COPG2: variants seen among roughly 807,000 people sequenced by gnomAD.
The protein encoded by COPG2 is coatomer subunit gamma-2.
COPG2 carries 37 observed loss-of-function variants against 46.3 expected under a neutral mutation model. That is an observed-to-expected ratio of 0.80 (90% CI 0.61 to 1.05). The LOEUF (loss-of-function observed/expected upper bound fraction) is 1.05, where lower values mean the gene tolerates loss of function less well. Ranked by LOEUF, COPG2 falls within the 50% of genes least tolerant of loss-of-function variation. The pLI is 0.00. For synonymous variants in COPG2, 159 were observed against 129.7 expected (o/e 1.23, Z -1.53); for missense variants, 427 against 387.8 (o/e 1.10, Z -0.85).
chr7:130,604,596 T>C, intron 9 of COPG2: 1 of 309,660 alleles, frequency 3.2e-6, no homozygotes, highest in East Asian at 8.5e-5. Context: ...GCATTTCCTA[T>C]ATATATAGCC....
chr7:130,643,425 T>C (rs551825215), intron 5 of COPG2, among the ~76,000 whole-genome samples: 3 of 152,362 alleles, frequency 2.0e-5, no homozygotes, highest in African/African-American at 7.2e-5. Context: ...GCTGGGAATG[T>C]AAGCATGTCA....
intron 20 of COPG2, among the ~76,000 whole-genome samples, chr7:130,525,438 A>G (rs1301515648): frequency 2.6e-5 from 4 of 152,196 alleles, no homozygotes; most frequent in Admixed American, 6.5e-5. Context: ...TGAAGGAAAT[A>G]GCATCACTGC....
At chr7:130,596,105 T>C (rs138944595) in intron 9 of COPG2, among the ~76,000 whole-genome samples, 21,942 of 152,154 alleles carry the variant, frequency 0.14, 2,874 homozygotes, top group African/African-American at 0.35. Flanking sequence ...AAGAGGCTAA[T>C]GAGGGTGAGT....
intron 20 of COPG2, among the ~76,000 whole-genome samples, chr7:130,544,264 T>C (rs1233606053): frequency 2.0e-5 from 3 of 152,144 alleles, no homozygotes; most frequent in Non-Finnish European, 4.4e-5. Flanking sequence ...TAGTACAGAA[T>C]GCCAAGTTAA....
At chr7:130,603,541 CA>C (rs1273540303) in intron 9 of COPG2, among the ~76,000 whole-genome samples, 1 of 151,644 alleles carries the variant, frequency 6.6e-6, no homozygotes, top group Admixed American at 6.6e-5. Context: ...CGAACATGGT[CA>C]CACTCCGTCT....
At chr7:130,627,717 T>G (rs1795142746) in intron 5 of COPG2, among the ~76,000 whole-genome samples, 1 of 136,634 alleles carries the variant, frequency 7.3e-6, no homozygotes, top group Admixed American at 7.9e-5. Flanking sequence ...CTTCTATCTA[T>G]CTACAACCTT....
At chr7:130,576,642 C>T (rs1794003655) in intron 9 of COPG2, among the ~76,000 whole-genome samples, 1 of 152,162 alleles carries the variant, frequency 6.6e-6, no homozygotes, top group Non-Finnish European at 1.5e-5. Flanking sequence ...GTGCCTACAT[C>T]AAAAAGACTG....
intron 4 of COPG2, among the ~76,000 whole-genome samples, chr7:130,656,261 A>T (rs182203571): frequency 7.7e-4 from 116 of 150,946 alleles, no homozygotes; most frequent in African/African-American, 1.5e-3. Flanking sequence ...ATTAATTTTT[A>T]AAAAAATCAA....
At chr7:130,631,454 G>A (rs1483326371) in intron 5 of COPG2, among the ~76,000 whole-genome samples, 1 of 151,930 alleles carries the variant, frequency 6.6e-6, no homozygotes, top group African/African-American at 2.4e-5. Context: ...CACTGCACCT[G>A]GCCTGAATTT....
chr7:130,635,790 G>A (rs535328114), intron 5 of COPG2, among the ~76,000 whole-genome samples: 17 of 152,216 alleles, frequency 1.1e-4, no homozygotes, highest in African/African-American at 3.9e-4. Flanking sequence ...TTTTAATTGT[G>A]ATATTGGGGT....
intron 23 of COPG2, among the ~76,000 whole-genome samples, chr7:130,507,024 T>C (rs1799506012): frequency 1.3e-5 from 2 of 152,192 alleles, no homozygotes; most frequent in African/African-American, 2.4e-5. Flanking sequence ...AAATACCAAT[T>C]TGGAGTACTC....
intron 5 of COPG2, among the ~76,000 whole-genome samples, chr7:130,647,080 A>G (rs938596049): frequency 1.3e-5 from 2 of 150,868 alleles, no homozygotes; most frequent in African/African-American, 4.9e-5. Flanking sequence ...TCGCTCTGTC[A>G]CCCAGGCTGG....
At chr7:130,534,031 G>A (rs1253305609) in intron 20 of COPG2, among the ~76,000 whole-genome samples, 4 of 151,928 alleles carry the variant, frequency 2.6e-5, no homozygotes, top group African/African-American at 7.3e-5. Context: ...GAACCAACAT[G>A]GAAAACAGGA....
At chr7:130,509,616 T>C (rs972086715) in intron 20 of COPG2, 6 of 488,184 alleles carry the variant, frequency 1.2e-5, no homozygotes, top group African/African-American at 7.8e-5. Context: ...CATCCACACA[T>C]GTAGTGACTG....
At chr7:130,600,553 A>G (rs1457082525) in intron 9 of COPG2, among the ~76,000 whole-genome samples, 1 of 152,118 alleles carries the variant, frequency 6.6e-6, no homozygotes, top group African/African-American at 2.4e-5. Flanking sequence ...GTGAGCCACT[A>G]TGCCTGGCCC....
At chr7:130,643,067 C>T (rs143513550) in intron 5 of COPG2, among the ~76,000 whole-genome samples, 1,933 of 151,900 alleles carry the variant, frequency 0.013, 26 homozygotes, top group Middle Eastern at 0.078. Flanking sequence ...GAGGCCGAGG[C>T]GGGCGGATCA....
At chr7:130,579,601 C>T (rs1270971762) in intron 9 of COPG2, among the ~76,000 whole-genome samples, 2 of 152,074 alleles carry the variant, frequency 1.3e-5, no homozygotes, top group African/African-American at 2.4e-5. Flanking sequence ...ATTCAGGAAA[C>T]CCATCTCATG....
intron 4 of COPG2, among the ~76,000 whole-genome samples, chr7:130,657,894 C>T (rs1170014878): frequency 6.6e-6 from 1 of 152,246 alleles, no homozygotes; most frequent in East Asian, 1.9e-4. Context: ...AACGACAATA[C>T]AAAGTGCTGG....
At chr7:130,510,863 T>C (rs1799583450) in intron 20 of COPG2, 2 of 514,402 alleles carry the variant, frequency 3.9e-6, no homozygotes, top group South Asian at 2.8e-5. Flanking sequence ...GGCCTTTCCA[T>C]GGCAAGAAAA....
Sources: gnomAD v4.1 joint callset for allele counts (sites outside exome capture counted in the v4.1 genomes callset) on GRCh38, gnomAD v4.1.1 for gene constraint, MANE v1.5 for transcripts, NCBI Gene and HGNC (gene_info 2026-07-23, HGNC 2026-07-21) for gene names.